The following EYS variants were observed in gnomAD, a reference collection of about 807,000 sequenced individuals.
EYS encodes protein eyes shut homolog.
EYS carries 250 observed loss-of-function variants against 282.1 expected under a neutral mutation model. The observed-to-expected ratio is 0.89, with a 90% confidence interval of 0.80 to 0.98. The LOEUF (loss-of-function observed/expected upper bound fraction) is 0.98, where lower values mean the gene tolerates loss of function less well. Ranked by LOEUF, EYS falls within the 50% of genes least tolerant of loss-of-function variation. EYS has a pLI of 0.00. For missense variants in EYS, 4,016 were observed against 3,709.0 expected (o/e 1.08, Z -2.15); for synonymous variants, 1,355 against 1,282.9 (o/e 1.06, Z -1.20).
At chr6:63,820,345 C>T (rs966353147) in intron 36 of EYS, among the ~76,000 whole-genome samples, 1 of 152,096 alleles carries the variant, frequency 6.6e-6, no homozygotes, top group Non-Finnish European at 1.5e-5. Flanking sequence ...TACTAAAGAG[C>T]TCTTTGAATA....
chr6:64,876,225 G>T (rs1008460233), intron 19 of EYS, among the ~76,000 whole-genome samples: 1 of 151,762 alleles, frequency 6.6e-6, no homozygotes, highest in Non-Finnish European at 1.5e-5. Flanking sequence ...TGATTCACAG[G>T]GTTGTAAAAA....
At chr6:65,319,204 C>CAAAAAAAAAAAAAAAAAAA (rs55687610) in intron 11 of EYS, among the ~76,000 whole-genome samples, 1 of 44,396 alleles carries the variant, frequency 2.3e-5, no homozygotes, top group Non-Finnish European at 4.0e-5. Context: ...ACTAAAAATG[C>CAAAAAAAAAAAAAAAAAAA]AAAAAAAAAA....
chr6:65,428,600 G>A (rs1453942172), intron 5 of EYS, among the ~76,000 whole-genome samples: 4 of 151,668 alleles, frequency 2.6e-5, no homozygotes, highest in African/African-American at 9.7e-5. Context: ...TTCTTCTCAA[G>A]CCATTAACAG....
At chr6:64,548,373 G>A (rs1764949678) in intron 26 of EYS, among the ~76,000 whole-genome samples, 1 of 152,292 alleles carries the variant, frequency 6.6e-6, no homozygotes, top group Non-Finnish European at 1.5e-5. Context: ...AAAGACACAT[G>A]AAAACGTATG....
intron 13 of EYS, among the ~76,000 whole-genome samples, chr6:65,041,639 A>G (rs1440525141): frequency 6.6e-6 from 1 of 151,692 alleles, no homozygotes; most frequent in African/African-American, 2.4e-5. Context: ...AAACAGTCCC[A>G]TCGTCAACTC....
At chr6:64,997,211 A>G (rs1771292957) in intron 14 of EYS, among the ~76,000 whole-genome samples, 1 of 152,304 alleles carries the variant, frequency 6.6e-6, no homozygotes, top group Non-Finnish European at 1.5e-5. Flanking sequence ...TGATAATGAA[A>G]TACATGTGTG....
At chr6:64,616,922 T>G (rs1767290762) in intron 24 of EYS, among the ~76,000 whole-genome samples, 1 of 152,152 alleles carries the variant, frequency 6.6e-6, no homozygotes, top group African/African-American at 2.4e-5. Flanking sequence ...ATGCTATTTT[T>G]TAATAGAGAC....
chr6:64,239,968 A>C (rs186340757), intron 30 of EYS, among the ~76,000 whole-genome samples: 1 of 152,218 alleles, frequency 6.6e-6, no homozygotes, highest in South Asian at 2.1e-4. Context: ...AGCTTTTTGC[A>C]TATGGCTAGC....
chr6:64,378,152 C>G (rs2150418121), intron 29 of EYS, among the ~76,000 whole-genome samples: 1 of 86,116 alleles, frequency 1.2e-5, no homozygotes, highest in East Asian at 2.5e-4. Context: ...AGTGTCAAAG[C>G]CTGAGGAATG....
rs1395507387 is a variant in EYS at position 63,869,810 on chromosome 6, AAAG to A, written c.7056-5455_7056-5453del. On this transcript the variant is annotated intron_variant, in intron 35 of 42. Transcript: ENST00000503581. ...CTGGTACAAAGAGAAGTGGGTTGGG[AAAG>A]AAGGATAAGGTGTAGGGTATTGTGG... Among the ~76,000 whole-genome samples, 8 of 152,286 alleles carry A rather than the reference AAAG, an allele frequency of 5.3e-5. No individual in the cohort carries two copies. In the East Asian group the frequency reaches 1.4e-3, roughly 26 times the overall value.
At chr6:65,122,645 T>C (rs1202297990) in intron 12 of EYS, among the ~76,000 whole-genome samples, 1 of 152,152 alleles carries the variant, frequency 6.6e-6, no homozygotes, top group African/African-American at 2.4e-5. Context: ...TTTGATGCCA[T>C]AGTTTGAAAT....
intron 30 of EYS, among the ~76,000 whole-genome samples, chr6:64,294,603 C>G (rs1301626254): frequency 6.6e-6 from 1 of 152,100 alleles, no homozygotes; most frequent in Non-Finnish European, 1.5e-5. Context: ...AGCCACCAGA[C>G]AAATTAGTGG....
At chr6:65,469,777 A>G (rs918452712) in intron 5 of EYS, among the ~76,000 whole-genome samples, 1 of 152,152 alleles carries the variant, frequency 6.6e-6, no homozygotes. Context: ...TCCTCAAAAA[A>G]CTTTCTTCCT....
At chr6:63,904,635 T>A (rs939212120) in intron 35 of EYS, among the ~76,000 whole-genome samples, 18 of 152,182 alleles carry the variant, frequency 1.2e-4, no homozygotes, top group African/African-American at 4.3e-4. Context: ...AATGGGACTC[T>A]CCTCTCTGCA....
chr6:65,289,787 G>A (rs1768472670), intron 12 of EYS, among the ~76,000 whole-genome samples: 1 of 150,920 alleles, frequency 6.6e-6, no homozygotes, highest in Admixed American at 6.6e-5. Context: ...CTCTTGGTAG[G>A]TGCTAGAAAT....
intron 12 of EYS, among the ~76,000 whole-genome samples, chr6:65,114,353 G>GA (rs779655768): frequency 0.026 from 3,652 of 137,920 alleles, 62 homozygotes; most frequent in African/African-American, 0.039. Context: ...AAGTAGATTT[G>GA]AAAAAAAAAA....
chr6:64,349,875 G>T (rs145385118), intron 29 of EYS, among the ~76,000 whole-genome samples: 2 of 151,314 alleles, frequency 1.3e-5, no homozygotes, highest in African/African-American at 4.8e-5. Context: ...TTTTTTTCCC[G>T]TTTTGAAATA....
At chr6:64,075,914 A>G (rs922373214) in intron 32 of EYS, among the ~76,000 whole-genome samples, 1 of 151,980 alleles carries the variant, frequency 6.6e-6, no homozygotes, top group African/African-American at 2.4e-5. Flanking sequence ...TTGGCAATCT[A>G]TGTGGCCCAT....
intron 30 of EYS, among the ~76,000 whole-genome samples, chr6:64,232,181 A>G (rs956989424): frequency 1.3e-5 from 2 of 152,134 alleles, no homozygotes; most frequent in Non-Finnish European, 2.9e-5. Context: ...TTGTACCAAT[A>G]TATTTATTTT....
Sources: allele counts gnomAD v4.1 joint callset (sites outside exome capture counted in the v4.1 genomes callset), GRCh38; gene constraint gnomAD v4.1.1; transcripts MANE v1.5; gene names NCBI Gene and HGNC (gene_info 2026-07-23, HGNC 2026-07-21).